Variants in XKR6 observed in about 807,000 individuals in gnomAD.
The protein encoded by XKR6 is XK related 6.
In XKR6, 22 loss-of-function variants were observed where a neutral mutation model predicts 56.7. That is an observed-to-expected ratio of 0.39 (90% CI 0.28 to 0.55). XKR6 has a LOEUF of 0.55. Among genes scored for constraint, XKR6 ranks in the 20% least tolerant of loss-of-function variants. The probability of loss-of-function intolerance (pLI) is 0.66; values close to 1 mark genes in which losing one functional copy is unlikely to be tolerated. For synonymous variants in XKR6, 524 were observed against 387.8 expected, an observed-to-expected ratio of 1.35 and a Z score of -4.13; for missense variants, 852 against 889.0, an observed-to-expected ratio of 0.96 and a Z score of 0.53.
intron 1 of XKR6, among the ~76,000 whole-genome samples, chr8:11,042,888 A>C (rs9987305): frequency 0.033 from 4,976 of 152,284 alleles, 273 homozygotes; most frequent in African/African-American, 0.11. Context: ...ACTTAGGCCC[A>C]GAAGAGTCCT....
intron 1 of XKR6, among the ~76,000 whole-genome samples, chr8:10,940,497 G>A (rs1287592806): frequency 2.0e-5 from 3 of 152,206 alleles, no homozygotes; most frequent in African/African-American, 7.2e-5. Flanking sequence ...ATTTTCACCT[G>A]TGTCCCCCAA....
intron 1 of XKR6, among the ~76,000 whole-genome samples, chr8:11,198,986 G>A (rs1004284235): frequency 6.6e-6 from 1 of 151,946 alleles, no homozygotes; most frequent in Non-Finnish European, 1.5e-5. Flanking sequence ...TGAGTGTGTG[G>A]GTGTTTAGGA....
intron 1 of XKR6, among the ~76,000 whole-genome samples, chr8:11,178,034 A>T (rs1802750272): frequency 6.6e-6 from 1 of 152,170 alleles, no homozygotes; most frequent in Non-Finnish European, 1.5e-5. Flanking sequence ...CAGAGGCAGG[A>T]GATTGCCACA....
intron 1 of XKR6, among the ~76,000 whole-genome samples, chr8:10,977,046 A>G (rs1186680403): frequency 6.6e-6 from 1 of 152,082 alleles, no homozygotes; most frequent in Non-Finnish European, 1.5e-5. Context: ...GGCTAAGCAG[A>G]TCCAAAAAAG....
At chr8:11,141,278 T>C (rs954566645) in intron 1 of XKR6, among the ~76,000 whole-genome samples, 1 of 152,138 alleles carries the variant, frequency 6.6e-6, no homozygotes, top group African/African-American at 2.4e-5. Context: ...GCACTGAATA[T>C]GTCCCTCCAA....
chr8:11,124,758 G>C (rs1335376475), intron 1 of XKR6: 2 of 152,092 alleles, frequency 1.3e-5, no homozygotes, highest in African/African-American at 4.8e-5. Flanking sequence ...TATCTCCAGG[G>C]CATGAGGAAA....
At chr8:11,179,908 G>A (rs1007941200) in intron 1 of XKR6, among the ~76,000 whole-genome samples, 1 of 152,162 alleles carries the variant, frequency 6.6e-6, no homozygotes, top group Non-Finnish European at 1.5e-5. Context: ...CGATGTAGGG[G>A]AATTGCTCAA....
At chr8:10,989,273 A>G (rs1797934366) in intron 1 of XKR6, among the ~76,000 whole-genome samples, 1 of 152,196 alleles carries the variant, frequency 6.6e-6, no homozygotes, top group Non-Finnish European at 1.5e-5. Flanking sequence ...GGCTGACAGA[A>G]TTTTACATGG....
At chr8:10,985,166 A>C (rs1324140685) in intron 1 of XKR6, among the ~76,000 whole-genome samples, 1 of 152,006 alleles carries the variant, frequency 6.6e-6, no homozygotes, top group Non-Finnish European at 1.5e-5. Context: ...TCCCCACCCA[A>C]ATCTCATCTT....
intron 1 of XKR6, among the ~76,000 whole-genome samples, chr8:11,035,505 G>GCC (rs1016329712): frequency 2.0e-5 from 3 of 152,210 alleles, no homozygotes; most frequent in African/African-American, 7.2e-5. Flanking sequence ...GGAGGAGGAA[G>GCC]CCCCAGGGTG....
At chr8:11,098,253 C>T (rs1000565796) in intron 1 of XKR6, among the ~76,000 whole-genome samples, 9 of 151,986 alleles carry the variant, frequency 5.9e-5, no homozygotes, top group African/African-American at 2.2e-4. Context: ...CACACACACA[C>T]GCATGCACAC....
chr8:11,189,938 C>T (rs751574863), intron 1 of XKR6, among the ~76,000 whole-genome samples: 16 of 152,162 alleles, frequency 1.1e-4, no homozygotes, highest in Admixed American at 6.5e-4. Flanking sequence ...GGGCAGATCA[C>T]CTGAGGTCAG....
At chr8:10,966,396 A>G (rs1244161686) in intron 1 of XKR6, among the ~76,000 whole-genome samples, 1 of 152,110 alleles carries the variant, frequency 6.6e-6, no homozygotes, top group African/African-American at 2.4e-5. Flanking sequence ...TAGGCCGGGC[A>G]TGGTGGCTCA....
intron 1 of XKR6, among the ~76,000 whole-genome samples, chr8:11,021,447 T>G (rs1207629060): frequency 3.3e-5 from 5 of 152,246 alleles, no homozygotes; most frequent in Admixed American, 6.5e-5. Flanking sequence ...CACTGCCTTG[T>G]TTAAGCAATG....
intron 2 of XKR6, among the ~76,000 whole-genome samples, chr8:10,900,298 G>A (rs1239195103): frequency 6.6e-6 from 1 of 151,910 alleles, no homozygotes; most frequent in African/African-American, 2.4e-5. Flanking sequence ...AGACCACCAG[G>A]CTTCTGCTCG....
Position 10,925,059 on chromosome 8 carries a change from C to G in XKR6, c.765-229G>C, listed in dbSNP as rs1349722970. ...AGGAAAGGATTTGACCCCTCGTGGA[C>G]CCCTAGGCAGGTCTTCCTCCTCCTG... On this transcript the variant is annotated intron_variant, in intron 1 of 2. Coordinates refer to ENST00000416569, the MANE Select transcript of XKR6 (RefSeq NM_173683.4). Among the ~76,000 whole-genome samples the G allele has an allele frequency of 2.0e-5, 3 of 152,096 alleles. No homozygotes were observed. The East Asian group carries it at 5.8e-4, about 29-fold the overall frequency.
At chr8:11,029,841 C>T (rs1280944602) in intron 1 of XKR6, among the ~76,000 whole-genome samples, 1 of 152,132 alleles carries the variant, frequency 6.6e-6, no homozygotes, top group African/African-American at 2.4e-5. Flanking sequence ...CCTTCAAAAT[C>T]TCTCTTGGGT....
chr8:10,960,983 G>C (rs775478895), intron 1 of XKR6, among the ~76,000 whole-genome samples: 1 of 152,174 alleles, frequency 6.6e-6, no homozygotes, highest in Non-Finnish European at 1.5e-5. Flanking sequence ...GGTAGGGCCA[G>C]GAGCATTTGT....
chr8:10,998,018 C>A (rs553554317), intron 1 of XKR6, among the ~76,000 whole-genome samples: 1 of 152,292 alleles, frequency 6.6e-6, no homozygotes, highest in South Asian at 2.1e-4. Flanking sequence ...GCTGAAGCCA[C>A]AGAGGAGAGG....
Sources: allele counts gnomAD v4.1 joint callset (sites outside exome capture counted in the v4.1 genomes callset), GRCh38; gene constraint gnomAD v4.1.1; transcripts MANE v1.5; gene names NCBI Gene and HGNC (gene_info 2026-07-23, HGNC 2026-07-21).